The following SPTBN1 variants were observed in gnomAD, a reference collection of about 807,000 sequenced individuals.
SPTBN1 encodes the protein spectrin beta, non-erythrocytic 1.
In SPTBN1, 32 loss-of-function variants were observed where a neutral mutation model predicts 266.4. The observed-to-expected ratio is 0.12, with a 90% CI of 0.09 to 0.16. The LOEUF (loss-of-function observed/expected upper bound fraction) is 0.16, where lower values mean the gene tolerates loss of function less well. Ranked by LOEUF, SPTBN1 falls within the 10% of genes least tolerant of loss-of-function variation. SPTBN1 has a pLI of 1.00. For synonymous variants in SPTBN1, 1,336 were observed against 1,162.2 expected (o/e 1.15, Z -3.04); for missense variants, 2,296 against 3,067.1 (o/e 0.75, Z 5.94).
intron 2 of SPTBN1, among the ~76,000 whole-genome samples, chr2:54,563,973 G>A (rs1673499018): frequency 6.6e-6 from 1 of 152,088 alleles, no homozygotes; most frequent in African/African-American, 2.4e-5. Context: ...CAGAATTCAG[G>A]TTTTCTGACT....
chr2:54,494,189 T>A (rs907666704), intron 1 of SPTBN1, among the ~76,000 whole-genome samples: 2 of 152,236 alleles, frequency 1.3e-5, no homozygotes, highest in South Asian at 2.1e-4. Context: ...GTGAATATTT[T>A]AAAAATTACA....
intron 1 of SPTBN1, among the ~76,000 whole-genome samples, chr2:54,457,081 A>G (rs1218636907): frequency 1.3e-5 from 2 of 150,066 alleles, no homozygotes; most frequent in South Asian, 2.1e-4. Flanking sequence ...GCCGCGCTGC[A>G]GCTGAGCCGG....
chr2:54,667,762 C>A, intron 35 of SPTBN1, 116 bp downstream of exon 35: 1 of 917,244 alleles, frequency 1.1e-6, no homozygotes, highest in South Asian at 1.5e-5. Flanking sequence ...TGGTTTCTAT[C>A]ACTGGGCTCC....
intron 1 of SPTBN1, among the ~76,000 whole-genome samples, chr2:54,486,183 A>G (rs1198570514): frequency 6.6e-6 from 1 of 151,306 alleles, no homozygotes; most frequent in East Asian, 1.9e-4. Context: ...GGAAGTGAGG[A>G]GCCCCTCTGC....
Position 54,649,907 on chromosome 2 carries a change from T to A in SPTBN1, c.5495T>A (p.Leu1832His), listed in dbSNP as rs1409970473. Residue 1832 changes from leucine (L) to histidine (H), a missense_variant, in exon 26 of 36, where the codon CTT (leucine) becomes CAT (histidine). Transcript: ENST00000356805. This position sits in a 1 kb window ranked among gnomAD's most constrained non-coding sequence, Gnocchi z 6.7. ...AAACACAAGAAACTCCCTGAGGAGC[T>A]TGGGAGAGATCAGAACACAGTGGAG... ...QDKHKKLPEE[L>H]GRDQNTVETL... 1.2e-6 allele frequency: 2 copies of A among 1,614,124 alleles called. No homozygotes were observed. Among genetic ancestry groups the A allele is most frequent in the East Asian group, 4.5e-5 (2 of 44,886 alleles).
chr2:54,625,607 T>G (rs1054975274), intron 11 of SPTBN1, among the ~76,000 whole-genome samples: 16 of 152,176 alleles, frequency 1.1e-4, no homozygotes, highest in African/African-American at 3.6e-4. Flanking sequence ...GTTTTGTTTT[T>G]GAGGCAGAGT....
intron 2 of SPTBN1, among the ~76,000 whole-genome samples, chr2:54,534,816 C>A (rs1030632187): frequency 2.0e-5 from 3 of 152,192 alleles, no homozygotes; most frequent in Admixed American, 2.0e-4. Flanking sequence ...GCCTCGTGCT[C>A]CCAGAGTTTC....
At chr2:54,662,374 G>C (rs530942350) in intron 32 of SPTBN1, 4 of 974,840 alleles carry the variant, frequency 4.1e-6, no homozygotes, top group Non-Finnish European at 4.9e-6. Flanking sequence ...ATACTGGTTT[G>C]GGGTTTTCTC....
chr2:54,608,003 AG>A (rs1433900289), intron 3 of SPTBN1, among the ~76,000 whole-genome samples: 3 of 152,190 alleles, frequency 2.0e-5, no homozygotes, highest in Non-Finnish European at 4.4e-5. Flanking sequence ...TTAACTACCC[AG>A]GGGAAGAGCA....
In SPTBN1 at chr2:54,631,022, T is replaced by C. The variant is rs1396157869; in HGVS notation, c.2975T>C (p.Met992Thr). 8 of 1,613,956 alleles carry C rather than the reference T, an allele frequency of 5.0e-6. No individual in the cohort carries two copies. Among genetic ancestry groups the C allele is most frequent in the South Asian group, 4.4e-5 (4 of 91,086 alleles). Residue 992 changes from methionine to threonine, a missense_variant, in exon 16 of 36, where the codon ATG becomes ACG. Transcript: ENST00000356805. Reference protein sequence around the residue: ...QDLGNDLAGVMALQRKLTGME... With the variant: ...QDLGNDLAGVTALQRKLTGME... The stretch of plus-strand genomic sequence containing the variant: ...CTGGGCAATGACCTGGCTGGCGTCA[T>C]GGCCCTGCAGCGCAAGCTGACCGGC...
At chr2:54,657,150 G>A (rs1191662160) in intron 29 of SPTBN1, among the ~76,000 whole-genome samples, 1 of 152,208 alleles carries the variant, frequency 6.6e-6, no homozygotes, top group Non-Finnish European at 1.5e-5. Context: ...TCATAACTAT[G>A]TTGGAACTAG....
chr2:54,562,714 G>GTGTGTGTGTGTT (rs1673393827), intron 2 of SPTBN1, among the ~76,000 whole-genome samples: 1 of 149,276 alleles, frequency 6.7e-6, no homozygotes, highest in Non-Finnish European at 1.5e-5. Context: ...GTGTGTGTGT[G>GTGTGTGTGTGTT]TGTGTGTGTG....
At chr2:54,458,681 G>C (rs1042748483) in intron 1 of SPTBN1, among the ~76,000 whole-genome samples, 9 of 152,188 alleles carry the variant, frequency 5.9e-5, no homozygotes, top group African/African-American at 2.2e-4. Context: ...CCAGGACACA[G>C]GGAATTTCCC....
At position 54,463,644 on chromosome 2, in the gene SPTBN1, C is replaced by T. The variant is rs148549515; in HGVS notation, c.-48+7126C>T. 6.5e-3 allele frequency among the ~76,000 whole-genome samples: 989 copies of T among 152,248 alleles called. 7 individuals are homozygous for T. Among genetic ancestry groups the T allele is most frequent in the Non-Finnish European group, 8.7e-3 (595 of 68,024 alleles). ...ATTAAAGCCAAATGAGGTAATTCAG[C>T]GCTTATCACAATAAATTTTAATGAT... is the stretch of plus-strand genomic sequence containing the variant. On this transcript the variant is annotated intron_variant, in intron 1 of 35. Transcript: ENST00000356805.
rs1303912290 is a variant in SPTBN1 at position 54,628,271 on chromosome 2, G to A, written c.1798+21G>A. ...GGAAGGTAAGGATGGCCCATTCCAA[G>A]CATTACCTCCGGGTCACCAGAGATT... On this transcript the variant is annotated intron_variant, in intron 13 of 35. Transcript: ENST00000356805. This position sits in a 1 kb window ranked among gnomAD's most constrained non-coding sequence, Gnocchi z 4.3. 6.2e-7 allele frequency: 1 copy of A among 1,601,062 alleles called. No individual in the cohort carries two copies. Among genetic ancestry groups the A allele is most frequent in the Non-Finnish European group, 8.5e-7 (1 of 1,173,970 alleles).
At chr2:54,580,410 A>T (rs1285597704) in intron 2 of SPTBN1, among the ~76,000 whole-genome samples, 1 of 152,206 alleles carries the variant, frequency 6.6e-6, no homozygotes, top group African/African-American at 2.4e-5. Flanking sequence ...TTGTATACCC[A>T]TACCAGCTTT....
At chr2:54,515,895 G>C (rs1480547710) in intron 1 of SPTBN1, 2 of 152,106 alleles carry the variant, frequency 1.3e-5, no homozygotes, top group Middle Eastern at 6.8e-3. Flanking sequence ...ATATATCTAT[G>C]CTAATATGAA....
intron 2 of SPTBN1, among the ~76,000 whole-genome samples, chr2:54,560,187 T>TGGGGG (rs138411199): frequency 1.7e-5 from 2 of 114,318 alleles, no homozygotes; most frequent in South Asian, 3.0e-4. Context: ...GGAGTTGGGG[T>TGGGGG]GGGGGGGGGC....
chr2:54,619,240 C>G (rs981453061), intron 7 of SPTBN1, among the ~76,000 whole-genome samples: 1 of 152,200 alleles, frequency 6.6e-6, no homozygotes, highest in East Asian at 1.9e-4. Flanking sequence ...GATATGTTGG[C>G]TACAGGAAGC....
Sources: allele counts gnomAD v4.1 joint callset (sites outside exome capture counted in the v4.1 genomes callset), GRCh38; gene constraint gnomAD v4.1.1; non-coding constraint Gnocchi (gnomAD v3.1); transcripts MANE v1.5; gene names NCBI Gene and HGNC (gene_info 2026-07-23, HGNC 2026-07-21).